Variants in UNC79 observed in about 807,000 individuals in gnomAD.
UNC79 encodes unc-79 subunit of NALCN channel complex.
Under a neutral mutation model 283.1 loss-of-function variants are expected in UNC79, and 37 were observed. The observed-to-expected ratio is 0.13, with a 90% confidence interval of 0.10 to 0.17. UNC79 has a LOEUF of 0.17. Ranked by LOEUF, UNC79 falls within the 10% of genes least tolerant of loss-of-function variation. The probability of loss-of-function intolerance (pLI) is 1.00; values close to 1 mark genes in which losing one functional copy is unlikely to be tolerated. For missense variants in UNC79, 2,272 were observed against 3,211.1 expected, an observed-to-expected ratio of 0.71 and a Z score of 7.07; for synonymous variants, 1,107 against 1,200.2, an observed-to-expected ratio of 0.92 and a Z score of 1.61.
At chr14:93,451,953 T>C (rs956139505) in intron 1 of UNC79, among the ~76,000 whole-genome samples, 8 of 152,250 alleles carry the variant, frequency 5.3e-5, no homozygotes, top group Non-Finnish European at 1.0e-4. Context: ...TTCTTGTCTT[T>C]GAAAAATCCT....
intron 18 of UNC79, among the ~76,000 whole-genome samples, chr14:93,579,413 A>G (rs2063656120): frequency 1.3e-5 from 2 of 152,150 alleles, no homozygotes; most frequent in African/African-American, 4.8e-5. Flanking sequence ...TCGAGTGATA[A>G]TTTTCCAATT....
intron 1 of UNC79, among the ~76,000 whole-genome samples, chr14:93,451,777 A>G (rs947591824): frequency 3.3e-5 from 5 of 152,138 alleles, no homozygotes; most frequent in African/African-American, 2.4e-5. Context: ...GAAGCCTGAA[A>G]TGCACACTAG....
chr14:93,694,625 A>G (rs2074954552), intron 47 of UNC79, among the ~76,000 whole-genome samples: 1 of 152,154 alleles, frequency 6.6e-6, no homozygotes, highest in South Asian at 2.1e-4. Context: ...GGTTAAATCT[A>G]TCAGACCAGG....
At chr14:93,546,347 GT>G (rs2061601508) in intron 14 of UNC79, among the ~76,000 whole-genome samples, 2 of 152,152 alleles carry the variant, frequency 1.3e-5, no homozygotes, top group Admixed American at 6.5e-5. Flanking sequence ...CAAGAGGGGG[GT>G]TGGCTAGATC....
rs1007353181 is a variant in UNC79 at position 93,576,381 on chromosome 14, A to G, written c.2211+1183A>G. ...ATACCCCAAACCTCAGCATCATGCA[A>G]TATAACTTTGTAACAAACCTGCACA... On this transcript the variant is annotated intron_variant, in intron 17 of 48. Coordinates refer to ENST00000555664, the Ensembl canonical transcript of UNC79. Among the ~76,000 whole-genome samples, 7 of 152,186 alleles carry G rather than the reference A, an allele frequency of 4.6e-5. No individual in the cohort carries two copies. In the South Asian group the frequency reaches 8.3e-4, roughly 18 times the overall value.
chr14:93,369,972 G>A (rs777080262), intron 1 of UNC79, among the ~76,000 whole-genome samples: 2 of 152,086 alleles, frequency 1.3e-5, no homozygotes, highest in Non-Finnish European at 2.9e-5. Flanking sequence ...CCACTTAAGA[G>A]GGGTGAGAAA....
At chr14:93,425,815 A>T (rs1048151760), upstream of UNC79, among the ~76,000 whole-genome samples, 2 of 152,242 alleles carry the variant, frequency 1.3e-5, no homozygotes, top group African/African-American at 4.8e-5. Context: ...AGGAAAGCAC[A>T]AACTATAGAG....
intron 1 of UNC79, among the ~76,000 whole-genome samples, chr14:93,389,652 G>A (rs2054844502): frequency 6.8e-6 from 1 of 147,574 alleles, no homozygotes; most frequent in African/African-American, 2.5e-5. Context: ...AAAAGTGGGA[G>A]CTTTTTTTTT....
Position 93,617,380 on chromosome 14 carries a change from G to C in UNC79, c.4224+76G>C. ...CATATAGCATTAGGAGAACACCTGA[G>C]TCTTTAGTTGAAAATTTTGTAGAAG... On this transcript the variant is annotated intron_variant, in intron 28 of 48. Coordinates refer to ENST00000555664, the Ensembl canonical transcript of UNC79. This position sits in a 1 kb window ranked among gnomAD's most constrained non-coding sequence, Gnocchi z 4.5. 2 of 1,445,450 alleles carry C rather than the reference G, an allele frequency of 1.4e-6. No individual in the cohort carries two copies. The highest frequency in any genetic ancestry group is 9.3e-7 in the Non-Finnish European group (1 of 1,080,516). 89.5% of individuals were successfully genotyped at this position (1,445,450 alleles called of 1,614,324 possible). A position where few individuals can be genotyped will look rare whatever the true frequency, so the allele number is the denominator to read the frequency against.
At chr14:93,405,183 T>C (rs571383527) in intron 1 of UNC79, among the ~76,000 whole-genome samples, 1 of 151,630 alleles carries the variant, frequency 6.6e-6, no homozygotes, top group South Asian at 2.1e-4. Flanking sequence ...CTCGGGAGGC[T>C]GAGGTAGGAA....
chr14:93,445,721 A>G (rs1318307943), intron 1 of UNC79, among the ~76,000 whole-genome samples: 1 of 152,174 alleles, frequency 6.6e-6, no homozygotes, highest in Non-Finnish European at 1.5e-5. Context: ...TCACCATTGA[A>G]GCCATTAGAG....
At chr14:93,485,086 A>C (rs990741123) in intron 4 of UNC79, among the ~76,000 whole-genome samples, 1 of 152,068 alleles carries the variant, frequency 6.6e-6, no homozygotes, top group Non-Finnish European at 1.5e-5. Context: ...AGCAGTTTTC[A>C]TTGTTGAGAA....
intron 1 of UNC79, among the ~76,000 whole-genome samples, chr14:93,353,927 A>G (rs556672797): frequency 3.9e-5 from 6 of 152,362 alleles, no homozygotes; most frequent in Admixed American, 1.3e-4. Flanking sequence ...GAGGAGATAG[A>G]CAAACATGTA....
chr14:93,533,094 C>T (rs1481520904), intron 11 of UNC79, among the ~76,000 whole-genome samples: 1 of 151,942 alleles, frequency 6.6e-6, no homozygotes, highest in Non-Finnish European at 1.5e-5. Flanking sequence ...AATAGTTTCT[C>T]TAAACCACCT....
At chr14:93,556,079 A>G (rs1211571855) in intron 14 of UNC79, among the ~76,000 whole-genome samples, 1 of 152,196 alleles carries the variant, frequency 6.6e-6, no homozygotes, top group Non-Finnish European at 1.5e-5. Context: ...TCCCATTTCC[A>G]CACCAAATAC....
chr14:93,408,903 C>A (rs1429332730), intron 1 of UNC79, among the ~76,000 whole-genome samples: 1 of 152,150 alleles, frequency 6.6e-6, no homozygotes, highest in African/African-American at 2.4e-5. Flanking sequence ...TCACTAAAAA[C>A]TCTTAGCTAA....
In UNC79 at chr14:93,386,061, GA is replaced by G. The variant is rs1385767305; in HGVS notation, c.-351+52541del. On this transcript the variant is annotated intron_variant, in intron 1 of 49. Transcript: ENST00000256339. ...TCCTTCTTGTTTTCAGATCTTAGGG[GA>G]AAGGCTTTCAGTTTTTCCCTATTCA... is the stretch of plus-strand genomic sequence containing the variant. Among the ~76,000 whole-genome samples the G allele has an allele frequency of 4.6e-5, 7 of 152,192 alleles. No homozygotes were observed. In the East Asian group the frequency reaches 1.4e-3, roughly 29 times the overall value.
At chr14:93,612,070 G>A (rs894896235) in intron 26 of UNC79, among the ~76,000 whole-genome samples, 5 of 152,156 alleles carry the variant, frequency 3.3e-5, no homozygotes, top group African/African-American at 9.7e-5. Context: ...GGCCAAGGGC[G>A]AAGGTATTTT....
chr14:93,657,419 T>G (rs1018677487), intron 38 of UNC79, among the ~76,000 whole-genome samples: 1 of 150,706 alleles, frequency 6.6e-6, no homozygotes, highest in East Asian at 1.9e-4. Flanking sequence ...TGGCACAATC[T>G]CGGCTCACTG....
Sources: gnomAD v4.1 joint callset for allele counts (sites outside exome capture counted in the v4.1 genomes callset) on GRCh38, gnomAD v4.1.1 for gene constraint, Gnocchi (gnomAD v3.1) non-coding constraint, MANE v1.5 for transcripts, NCBI Gene and HGNC (gene_info 2026-07-23, HGNC 2026-07-21) for gene names.